SPICE1: variants seen among roughly 807,000 people sequenced by gnomAD.
SPICE1 encodes spindle and centriole-associated protein 1.
SPICE1 carries 75 observed loss-of-function variants against 102.7 expected under a neutral mutation model. The ratio of observed to expected loss-of-function variants is 0.73; its 90% confidence interval spans 0.61 to 0.88. The LOEUF (loss-of-function observed/expected upper bound fraction) is 0.88. SPICE1 is among the 40% of genes least tolerant of loss of function. The probability of loss-of-function intolerance (pLI) is 0.00; values close to 1 mark genes in which losing one functional copy is unlikely to be tolerated. For missense variants in SPICE1, 979 were observed against 1,020.1 expected, an observed-to-expected ratio of 0.96 and a Z score of 0.55; for synonymous variants, 308 against 350.3, an observed-to-expected ratio of 0.88 and a Z score of 1.35.
chr3:113,464,571 A>T (rs1055589650), intron 11 of SPICE1, among the ~76,000 whole-genome samples: 24 of 152,158 alleles, frequency 1.6e-4, no homozygotes, highest in Non-Finnish European at 2.9e-4. Flanking sequence ...TATCAATTTT[A>T]AAAAATTATA....
chr3:113,493,804 T>C (rs945719095), intron 5 of SPICE1, among the ~76,000 whole-genome samples: 15 of 152,230 alleles, frequency 9.9e-5, no homozygotes, highest in Admixed American at 7.8e-4. Context: ...CTTTACACCA[T>C]ATTTTAGTAG....
intron 7 of SPICE1, among the ~76,000 whole-genome samples, chr3:113,480,134 A>AT (rs1219412146): frequency 1.3e-5 from 2 of 152,052 alleles, no homozygotes; most frequent in African/African-American, 4.8e-5. Context: ...GAAATGGAAA[A>AT]TTTCCTAAGA....
At chr3:113,474,952 CAG>C (rs887921073) in intron 7 of SPICE1, among the ~76,000 whole-genome samples, 66 of 151,988 alleles carry the variant, frequency 4.3e-4, no homozygotes, top group Non-Finnish European at 8.8e-4. Flanking sequence ...CCGAAGGAAA[CAG>C]AGACACAAAA....
intron 13 of SPICE1, among the ~76,000 whole-genome samples, chr3:113,455,645 G>T (rs1013248599): frequency 2.0e-5 from 3 of 152,130 alleles, no homozygotes; most frequent in Non-Finnish European, 4.4e-5. Context: ...ATTTTCATCT[G>T]CATATTCTGT....
intron 1 of SPICE1, among the ~76,000 whole-genome samples, chr3:113,507,978 C>A (rs554508324): frequency 3.3e-4 from 50 of 152,050 alleles, no homozygotes; most frequent in Non-Finnish European, 6.8e-4. Flanking sequence ...CTAAAACAAA[C>A]CCTTACATTT....
At chr3:113,503,053 A>T in intron 3 of SPICE1, 127 bp downstream of exon 3, 1 of 927,108 alleles carries the variant, frequency 1.1e-6, no homozygotes, top group South Asian at 1.6e-5. Context: ...TTTTATATAG[A>T]CATAAACAAG....
rs531647129 is a variant in SPICE1, at chr3:113,508,871, G to A, written c.1-2266C>T. On this transcript the variant is annotated intron_variant, in intron 1 of 17. Coordinates refer to ENST00000295872, the MANE Select transcript of SPICE1 (RefSeq NM_144718.4). ...ACATCCCAAATGTCCACCAACTGAT[G>A]AATGTATTAATAAAATGTGGTATAT... Among the ~76,000 whole-genome samples, 563 of 148,460 alleles carry A rather than the reference G, an allele frequency of 3.8e-3. 2 individuals carry two copies. The highest frequency in any genetic ancestry group is 6.1e-3 in the Non-Finnish European group (411 of 67,932).
At chr3:113,464,380 C>G (rs1936004452) in intron 11 of SPICE1, among the ~76,000 whole-genome samples, 1 of 151,586 alleles carries the variant, frequency 6.6e-6, no homozygotes. Context: ...CCTCAGCCTC[C>G]CAAGCAGCTA....
At position 113,473,710 on chromosome 3, in the gene SPICE1, A is replaced by T. The variant is rs57208445; in HGVS notation, c.612-4472T>A. On this transcript the variant is annotated intron_variant, in intron 7 of 17. Coordinates refer to ENST00000295872, the MANE Select transcript of SPICE1 (RefSeq NM_144718.4). Reference sequence around the variant, plus strand: ...TAAGCTTCATAAGTGAAGGAGAAATAAAATACTTTACAGACAAGCAAATGC... The same window carrying T: ...TAAGCTTCATAAGTGAAGGAGAAATTAAATACTTTACAGACAAGCAAATGC... Among the ~76,000 whole-genome samples, 887 of 151,836 alleles carry T rather than the reference A, an allele frequency of 5.8e-3. 6 individuals are homozygous for T. The highest frequency in any genetic ancestry group is 0.02 in the African/African-American group (829 of 41,342).
At chr3:113,484,636 C>G (rs1365349853) in intron 7 of SPICE1, among the ~76,000 whole-genome samples, 1 of 152,066 alleles carries the variant, frequency 6.6e-6, no homozygotes, top group Non-Finnish European at 1.5e-5. Context: ...TAGTTATGTA[C>G]CCAGTAGTCA....
intron 6 of SPICE1, among the ~76,000 whole-genome samples, chr3:113,490,507 T>G (rs1007325483): frequency 2.0e-5 from 3 of 152,074 alleles, no homozygotes; most frequent in African/African-American, 7.2e-5. Context: ...GCAGGCTTGG[T>G]GGCGTGCACC....
At chr3:113,445,508 T>C in intron 17 of SPICE1, 148 bp from the exon 18 acceptor site, 1 of 610,266 alleles carries the variant, frequency 1.6e-6, no homozygotes. Flanking sequence ...ATTGGCAATG[T>C]TAATTCTCTA....
chr3:113,493,243 G>A lies in SPICE1; in HGVS notation c.455C>T (p.Thr152Ile), dbSNP rs1171730469. 6.2e-7 allele frequency: 1 copy of A among 1,612,616 alleles called. No homozygotes were observed. Among genetic ancestry groups the A allele is most frequent in the Non-Finnish European group, 8.5e-7 (1 of 1,179,372 alleles). The change falls in exon 6 of 18, where the codon ACC (threonine) becomes ATC (isoleucine). Residue 152 changes from threonine to isoleucine, a missense_variant. Physicochemically the swap from Thr to Ile is moderately conservative, Grantham distance 89 (BLOSUM62 -1). Transcript: ENST00000295872. The part of the protein sequence containing the change: ...GPIVVNQDPI[T>I]QSIFNESVIE... ...GACAGACTCATTAAAGATAGATTGG[G>A]TGATAGGGTCTTGATTTACCACAAT...
intron 3 of SPICE1, among the ~76,000 whole-genome samples, chr3:113,502,540 G>GA (rs1937028920): frequency 1.3e-5 from 2 of 151,396 alleles, no homozygotes; most frequent in South Asian, 4.2e-4. Flanking sequence ...TTGGGGTAAT[G>GA]AAAACATTCC....
At chr3:113,513,186 C>T (rs943699929) in intron 1 of SPICE1, among the ~76,000 whole-genome samples, 3 of 152,056 alleles carry the variant, frequency 2.0e-5, no homozygotes, top group Admixed American at 2.0e-4. Flanking sequence ...GCTGGAGGAT[C>T]GCTTGAGGCA....
At chr3:113,491,645 A>AAAAAAAAAC (rs1350464795) in intron 6 of SPICE1, among the ~76,000 whole-genome samples, 1 of 150,710 alleles carries the variant, frequency 6.6e-6, no homozygotes, top group Non-Finnish European at 1.5e-5. Flanking sequence ...AAAAAAAAAA[A>AAAAAAAAAC]AAAAGATTAT....
At chr3:113,489,147 G>C in intron 6 of SPICE1, 84 bp from the exon 7 acceptor site, 2 of 803,464 alleles carry the variant, frequency 2.5e-6, no homozygotes, top group South Asian at 1.7e-5. Flanking sequence ...CATAACAGAA[G>C]AGAGTTCCCT....
At chr3:113,489,120 T>C (rs1936710840) in intron 6 of SPICE1, 57 bp from the exon 7 acceptor site, 1 of 1,151,110 alleles carries the variant, frequency 8.7e-7, no homozygotes, top group Non-Finnish European at 1.3e-6. Flanking sequence ...ACTCAGACTT[T>C]CTTTTTTTTT....
chr3:113,460,850 T>C (rs1935917283), intron 11 of SPICE1, 86 bp from the exon 12 acceptor site: 1 of 1,236,474 alleles, frequency 8.1e-7, no homozygotes, highest in Non-Finnish European at 1.1e-6. Flanking sequence ...AAAGGATACG[T>C]GTGTTTAATA....
Sources: gnomAD v4.1 joint callset for allele counts (sites outside exome capture counted in the v4.1 genomes callset) on GRCh38, gnomAD v4.1.1 for gene constraint, MANE v1.5 for transcripts, NCBI Gene and HGNC (gene_info 2026-07-23, HGNC 2026-07-21) for gene names.